The following ITSN1 variants were observed in gnomAD, a reference collection of about 807,000 sequenced individuals.
The protein encoded by ITSN1 is intersectin 1, also known as intersectin-1.
ITSN1 carries 58 observed loss-of-function variants against 239.8 expected under a neutral mutation model. That is an observed-to-expected ratio of 0.24 (90% CI 0.20 to 0.30). The LOEUF is 0.30. Ranked by LOEUF, ITSN1 falls within the 10% of genes least tolerant of loss-of-function variation. ITSN1 has a pLI of 1.00. For synonymous variants in ITSN1, 780 were observed against 770.8 expected, an observed-to-expected ratio of 1.01 and a Z score of -0.20; for missense variants, 1,558 against 2,103.3, an observed-to-expected ratio of 0.74 and a Z score of 5.07.
chr21:33,886,127 A>C (rs1985756049), intron 38 of ITSN1, among the ~76,000 whole-genome samples, 160 bp from the exon 39 acceptor site: 3 of 151,664 alleles, frequency 2.0e-5, no homozygotes, highest in African/African-American at 7.3e-5. Context: ...CAGGAGAATC[A>C]CTTGAGCTCA....
At chr21:33,822,936 T>G (rs1382849464) in intron 24 of ITSN1, among the ~76,000 whole-genome samples, 1 of 152,240 alleles carries the variant, frequency 6.6e-6, no homozygotes, top group Non-Finnish European at 1.5e-5. Flanking sequence ...CAATAGGACA[T>G]AAGTTTTCAG....
intron 29 of ITSN1, among the ~76,000 whole-genome samples, chr21:33,848,625 G>A (rs970795990): frequency 6.6e-6 from 1 of 152,146 alleles, no homozygotes; most frequent in African/African-American, 2.4e-5. Flanking sequence ...TATAGCTACC[G>A]CATAGGATTC....
chr21:33,775,207 G>C, intron 14 of ITSN1, 99 bp downstream of exon 14: 2 of 1,311,440 alleles, frequency 1.5e-6, no homozygotes, highest in Non-Finnish European at 2.1e-6. Context: ...TTAAGCAACT[G>C]TCTTGTACTA....
intron 1 of ITSN1, among the ~76,000 whole-genome samples, chr21:33,679,350 G>T (rs1367494128): frequency 6.6e-6 from 1 of 152,182 alleles, no homozygotes; most frequent in African/African-American, 2.4e-5. Flanking sequence ...GTACTCTGAT[G>T]TGTATGGCTT....
At chr21:33,849,923 C>T (rs1353349433) in intron 29 of ITSN1, among the ~76,000 whole-genome samples, 1 of 152,110 alleles carries the variant, frequency 6.6e-6, no homozygotes, top group African/African-American at 2.4e-5. Context: ...TTAACAGGAG[C>T]TACTCATACT....
At chr21:33,784,615 T>C (rs2070495394) in intron 16 of ITSN1, among the ~76,000 whole-genome samples, 1 of 152,248 alleles carries the variant, frequency 6.6e-6, no homozygotes, top group African/African-American at 2.4e-5. Context: ...ATGGTTATTA[T>C]CTCTAGTATT....
At chr21:33,854,588 C>T (rs1197050752) in intron 29 of ITSN1, among the ~76,000 whole-genome samples, 1 of 152,244 alleles carries the variant, frequency 6.6e-6, no homozygotes, top group African/African-American at 2.4e-5. Flanking sequence ...AGACATCACT[C>T]AGCTTGCCAC....
chr21:33,760,337 C>T (rs931166157), intron 8 of ITSN1, among the ~76,000 whole-genome samples: 8 of 151,968 alleles, frequency 5.3e-5, no homozygotes, highest in Non-Finnish European at 1.0e-4. Context: ...ATCTGGGGTG[C>T]GATTATACTC....
chr21:33,822,280 AT>A (rs1283067192), intron 24 of ITSN1, among the ~76,000 whole-genome samples: 1 of 152,230 alleles, frequency 6.6e-6, no homozygotes, highest in Non-Finnish European at 1.5e-5. Flanking sequence ...AGAGGCTCTG[AT>A]AATCAACCGA....
In ITSN1 at chr21:33,722,841, A is replaced by T. The variant is rs533966297; in HGVS notation, c.185+190A>T. 4.6e-5 allele frequency among the ~76,000 whole-genome samples: 7 copies of T among 152,364 alleles called. 1 individual carries two copies. The South Asian group carries it at 1.5e-3, about 32-fold the overall frequency. ...CTTTCTCATATGGAACTAAAACAAA[A>T]CAACAAAAAAAGTGGTGACATTTGA... On this transcript the variant is annotated intron_variant, in intron 4 of 39. Transcript: ENST00000381318.
intron 11 of ITSN1, among the ~76,000 whole-genome samples, chr21:33,769,023 A>T (rs1326660681): frequency 6.6e-6 from 1 of 152,222 alleles, no homozygotes; most frequent in African/African-American, 2.4e-5. Flanking sequence ...TGCACAACAG[A>T]CCTCACTTAT....
intron 17 of ITSN1, among the ~76,000 whole-genome samples, chr21:33,794,864 G>T (rs1438915145): frequency 6.6e-6 from 1 of 152,190 alleles, no homozygotes; most frequent in Non-Finnish European, 1.5e-5. Context: ...CAGGGTCAGG[G>T]TGGGCCTCTT....
Position 33,896,413 on chromosome 21 carries a change from C to G in ITSN1, c.*8113C>G, listed in dbSNP as rs891596598. On this transcript the variant is annotated 3_prime_UTR_variant, in exon 40 of 40. Transcript: ENST00000381318. ...CCAACCTTCTGCCTTCAAAGAGAAG[C>G]AGGGTCATAGAAGTGCTCAGTGTCC... 1 of 152,300 alleles carries G rather than the reference C, an allele frequency of 6.6e-6. No homozygotes were observed. Among genetic ancestry groups the G allele is most frequent in the Admixed American group, 6.5e-5 (1 of 15,292 alleles). The allele number at this position is 152,300 out of a possible 1,614,324, so 9.4% of individuals were successfully genotyped here.
chr21:33,767,625 A>G (rs1353198431), intron 10 of ITSN1, 88 bp from the exon 11 acceptor site: 6 of 623,430 alleles, frequency 9.6e-6, no homozygotes, highest in Non-Finnish European at 1.6e-5. Flanking sequence ...GGCATGGTAA[A>G]ATCTTTAAAA....
intron 29 of ITSN1, among the ~76,000 whole-genome samples, chr21:33,855,665 CAG>C (rs1198477552): frequency 2.0e-5 from 3 of 152,258 alleles, no homozygotes; most frequent in Non-Finnish European, 4.4e-5. Context: ...GCTAAGTGGG[CAG>C]AGTCATGAGT....
At chr21:33,730,367 C>G (rs1265566074) in intron 4 of ITSN1, among the ~76,000 whole-genome samples, 1 of 145,832 alleles carries the variant, frequency 6.9e-6, no homozygotes, top group Admixed American at 7.0e-5. Context: ...TTAAGGTAAC[C>G]TGCTATAAAT....
At chr21:33,723,848 G>A (rs558018282) in intron 4 of ITSN1, among the ~76,000 whole-genome samples, 2 of 152,274 alleles carry the variant, frequency 1.3e-5, no homozygotes, top group East Asian at 1.9e-4. Flanking sequence ...ACCCAAAAAG[G>A]TATCATCTCC....
At chr21:33,790,645 G>A (rs913385444) in intron 16 of ITSN1, among the ~76,000 whole-genome samples, 14 of 152,112 alleles carry the variant, frequency 9.2e-5, no homozygotes, top group African/African-American at 3.4e-4. Flanking sequence ...CTTTTGATTC[G>A]TGGTAATTTG....
In ITSN1 at chr21:33,799,791, C is replaced by T. The variant is rs1362454217; in HGVS notation, c.2183-17C>T. On this transcript the variant is annotated splice_polypyrimidine_tract_variant and intron_variant, in intron 18 of 39. Transcript: ENST00000381318. ...TAATTATTTATTTTTGTCCCCCCCA[C>T]CTTTTTTTGTAAACAGAAAAAGGTC... 1.6e-5 allele frequency: 25 copies of T among 1,612,224 alleles called. No homozygotes were observed. Among genetic ancestry groups the T allele is most frequent in the Non-Finnish European group, 2.1e-5 (25 of 1,179,274 alleles).
Sources: gnomAD v4.1 joint callset for allele counts (sites outside exome capture counted in the v4.1 genomes callset) on GRCh38, gnomAD v4.1.1 for gene constraint, MANE v1.5 for transcripts, NCBI Gene and HGNC (gene_info 2026-07-23, HGNC 2026-07-21) for gene names.